The following LAMB2 variants were observed in gnomAD, a reference collection of about 807,000 sequenced individuals.
The protein encoded by LAMB2 is laminin subunit beta-2.
A neutral mutation model predicts 202.7 loss-of-function variants in LAMB2; 119 were observed. The observed-to-expected ratio is 0.59, with a 90% CI of 0.51 to 0.68. The LOEUF is 0.68. LAMB2 is among the 30% of genes least tolerant of loss of function. The probability of loss-of-function intolerance (pLI) is 0.00; values close to 1 mark genes in which losing one functional copy is unlikely to be tolerated. For synonymous variants in LAMB2, 818 were observed against 902.2 expected, an observed-to-expected ratio of 0.91 and a Z score of 1.67; for missense variants, 2,124 against 2,410.6, an observed-to-expected ratio of 0.88 and a Z score of 2.49.
intron 27 of LAMB2, 92 bp from the exon 28 acceptor site, chr3:49,122,462 G>T: frequency 8.2e-7 from 1 of 1,221,224 alleles, no homozygotes; most frequent in Non-Finnish European, 1.2e-6. Context: ...ACATGTACAT[G>T]GGATAGGGGT....
rs1204035798 is a variant in LAMB2 at position 49,124,464 on chromosome 3, G to A, written c.3258C>T (p.Leu1086=). Residue 1086 remains leucine, a synonymous_variant, in exon 22 of 32, where the codon CTC becomes CTT. Coordinates refer to ENST00000305544, the MANE Select transcript of LAMB2 (RefSeq NM_002292.4). ...AAGGCTGGCAACCATGGCCACTGGT[G>A]AGGTTCCAGAAGTTGGGGGCACAGC... ...CDRCAPNFWN[L]TSGHGCQPCA... is the part of the protein sequence containing the mutation. 5.0e-6 allele frequency: 8 copies of A among 1,613,738 alleles called. No individual in the cohort carries two copies. The highest frequency in any genetic ancestry group is 5.9e-6 in the Non-Finnish European group (7 of 1,180,050).
Position 49,124,291 on chromosome 3 carries a change from G to A in LAMB2, c.3328-5C>T, listed in dbSNP as rs748132281. On this transcript the variant is annotated splice_region_variant and splice_polypyrimidine_tract_variant and intron_variant, in intron 22 of 31. Transcript: ENST00000305544. ...GCAGTGGCACTGCCCTGTGAACTGG[G>A]GTGGGAACAAGGCAGGGTCAGAGCC... 3 of 1,613,984 alleles carry A rather than the reference G, an allele frequency of 1.9e-6. No homozygotes were observed. The South Asian group carries it at 3.3e-5, about 18-fold the overall frequency.
At position 49,129,347 on chromosome 3, in the gene LAMB2, G is replaced by T; in HGVS notation, c.1519-23C>A. On this transcript the variant is annotated intron_variant, in intron 11 of 31. Transcript: ENST00000305544. This position sits in a 1 kb window ranked among gnomAD's most constrained non-coding sequence, Gnocchi z 6.1. ...AGGCTGCACGAAAGGAGTTGCTGGG[G>T]GCCAGAAACAGACCTCCAGACCCCA... is the stretch of plus-strand genomic sequence containing the variant. 6.2e-7 allele frequency: 1 copy of T among 1,606,068 alleles called. No individual in the cohort carries two copies. Among genetic ancestry groups the T allele is most frequent in the African/African-American group, 1.3e-5 (1 of 74,894 alleles).
At position 49,131,065 on chromosome 3, in the gene LAMB2, C is replaced by G; in HGVS notation, c.800G>C (p.Arg267Pro). 1 of 1,613,848 alleles carries G rather than the reference C, an allele frequency of 6.2e-7. No individual in the cohort carries two copies. The highest frequency in any genetic ancestry group is 8.5e-7 in the Non-Finnish European group (1 of 1,180,032). The change falls in exon 7 of 32, where the codon CGA (arginine) becomes CCA (proline). Residue 267 changes from arginine to proline, a missense_variant. Transcript: ENST00000305544. This position sits in a 1 kb window ranked among gnomAD's most constrained non-coding sequence, Gnocchi z 5.0. ...ATAGAGGGCATAGTAGTACTTCTCT[C>G]GGATCTCCCTCCGTGGGTCGAGTAG... ...DNLLDPRREI[R>P]EKYYYALYEL...
chr3:49,122,364 C>T lies in LAMB2; in HGVS notation c.4580G>A (p.Gly1527Glu), dbSNP rs1468716098. 1 of 1,613,074 alleles carries T rather than the reference C, an allele frequency of 6.2e-7. No homozygotes were observed. Among genetic ancestry groups the T allele is most frequent in the African/African-American group, 1.3e-5 (1 of 74,926 alleles). The part of the protein sequence containing the change: ...QSVKDFLNQE[G>E]ADPDSIEMVA... ...CATTTCAATGCTATCAGGATCAGCC[C>T]CCTCCTCTATAGGGACACAGCAAGA... The change falls in exon 28 of 32, where the codon GGG (glycine) becomes GAG (glutamate). Residue 1527 changes from glycine to glutamate, a missense_variant. Gly to Glu is a moderately conservative substitution (Grantham distance 98). Transcript: ENST00000305544.
rs530751136 is a variant in LAMB2, at chr3:49,124,866, G to T, written c.2944C>A (p.Arg982=). 3 of 1,613,944 alleles carry T rather than the reference G, an allele frequency of 1.9e-6. No individual in the cohort carries two copies. The African/African-American group carries it at 4.0e-5, about 22-fold the overall frequency. The change falls in exon 21 of 32, where the codon CGG becomes AGG. Residue 982 remains arginine (R), a synonymous_variant. Coordinates refer to ENST00000305544, the MANE Select transcript of LAMB2 (RefSeq NM_002292.4). ...CCACTGCACTCACACAGTTGGCACC[G>T]GCCACCTGGCCTTGATGGGTCCCCA... ...HFGDPSRPGG[R]CQLCECSGNI...
chr3:49,129,002 T>C lies in LAMB2; in HGVS notation c.1731+18A>G. The C allele has an allele frequency of 6.2e-7, 1 of 1,606,232 alleles. No homozygotes were observed. The highest frequency in any genetic ancestry group is 8.5e-7 in the Non-Finnish European group (1 of 1,179,960). On this transcript the variant is annotated intron_variant, in intron 13 of 31. Coordinates refer to ENST00000305544, the MANE Select transcript of LAMB2 (RefSeq NM_002292.4). This position sits in a 1 kb window ranked among gnomAD's most constrained non-coding sequence, Gnocchi z 6.1. ...GTCCACCCACATCCAGCCCTCTGCT[T>C]AGGGGGAGGCCCCACACCTGCCCTC...
chr3:49,130,558 C>T lies in LAMB2; in HGVS notation c.1037-139G>A. The T allele has an allele frequency of 7.5e-7, 1 of 1,341,568 alleles. No individual in the cohort carries two copies. The highest frequency in any genetic ancestry group is 1.7e-5 in the Admixed American group (1 of 59,242). 83.1% of individuals were successfully genotyped at this position (1,341,568 alleles called of 1,614,324 possible). Reference sequence around the variant, plus strand: ...GGGACTTCAAGGCCTCAGCATCATACTGGTTCCCTACCCAGAGCAGACTGC... The same window carrying T: ...GGGACTTCAAGGCCTCAGCATCATATTGGTTCCCTACCCAGAGCAGACTGC... On this transcript the variant is annotated intron_variant, in intron 8 of 31. Coordinates refer to ENST00000305544, the MANE Select transcript of LAMB2 (RefSeq NM_002292.4). This position sits in a 1 kb window ranked among gnomAD's most constrained non-coding sequence, Gnocchi z 5.0.
rs548551040 is a variant in LAMB2, at chr3:49,130,985, G to A, written c.880C>T (p.Pro294Ser). The stretch of plus-strand genomic sequence containing the variant: ...GCATGGGCTGGTGCCCCTGGGGCGG[G>A]TGCACACTCTGAGGCGTGTCCGTAG... ...FCYGHASECA[P>S]APGAPAHAEG... The change falls in exon 7 of 32, where the codon CCC becomes TCC. Residue 294 changes from proline to serine, a missense_variant. Coordinates refer to ENST00000305544, the MANE Select transcript of LAMB2 (RefSeq NM_002292.4). This position sits in a 1 kb window ranked among gnomAD's most constrained non-coding sequence, Gnocchi z 5.0. The A allele has an allele frequency of 9.3e-6, 15 of 1,614,070 alleles. No homozygotes were observed. The South Asian group carries it at 1.2e-4, about 13-fold the overall frequency.
In LAMB2 at chr3:49,125,374, C is replaced by T. The variant is rs750370937; in HGVS notation, c.2599G>A (p.Gly867Ser). The change falls in exon 19 of 32, where the codon GGC (glycine) becomes AGC (serine). Residue 867 changes from glycine (G) to serine (S), a missense_variant. Around this residue, in one of 3 missense-constraint regions of LAMB2, gnomAD observed 1,702 missense variants for 1,896.3 expected, o/e 0.90. Transcript: ENST00000305544. ...FGLRCDRCQR[G>S]QWGFPSCRPC... ...CGGCAGCTAGGGAATCCCCACTGGC[C>T]ACGCTGGCAGCGGTCACAGCGAAGC... 26 of 1,613,946 alleles carry T rather than the reference C, an allele frequency of 1.6e-5. No individual in the cohort carries two copies. Among genetic ancestry groups the T allele is most frequent in the African/African-American group, 4.0e-5 (3 of 74,930 alleles).
Position 49,130,599 on chromosome 3 carries a change from G to A in LAMB2, c.1036+141C>T. On this transcript the variant is annotated intron_variant, in intron 8 of 31. Transcript: ENST00000305544. The surrounding 1 kb of genome is among the most constrained non-coding windows in gnomAD (Gnocchi z 5.0). ...AGCAGACTGCAGAGGAGGATTGAGG[G>A]GGTCCCAAGGGGCATCAAGGTCTGC... The A allele has an allele frequency of 7.1e-7, 1 of 1,407,126 alleles. No homozygotes were observed. Among genetic ancestry groups the A allele is most frequent in the South Asian group, 1.2e-5 (1 of 86,326 alleles). 87.2% of individuals were successfully genotyped at this position (1,407,126 alleles called of 1,614,324 possible).
rs1484239642 is a variant in LAMB2, at chr3:49,132,231, G to A, written c.385+39C>T. On this transcript the variant is annotated intron_variant, in intron 3 of 31. Transcript: ENST00000305544. This position sits in a 1 kb window ranked among gnomAD's most constrained non-coding sequence, Gnocchi z 4.6. ...AAGTCAAGGACTCAAAGCTACTGGT[G>A]GGCAGCCCTGCTCACTTTTGCCCCA... 2 of 1,614,124 alleles carry A rather than the reference G, an allele frequency of 1.2e-6. No homozygotes were observed.
In LAMB2 at chr3:49,124,305, A is replaced by C; in HGVS notation, c.3328-19T>G. 3 of 1,613,890 alleles carry C rather than the reference A, an allele frequency of 1.9e-6. No homozygotes were observed. The South Asian group carries it at 3.3e-5, about 18-fold the overall frequency. On this transcript the variant is annotated intron_variant, in intron 22 of 31. Coordinates refer to ENST00000305544, the MANE Select transcript of LAMB2 (RefSeq NM_002292.4). The stretch of plus-strand genomic sequence containing the variant: ...CTGTGAACTGGGGTGGGAACAAGGC[A>C]GGGTCAGAGCCTCTATAAGAGGCTA...
chr3:49,131,780 C>T lies in LAMB2; in HGVS notation c.460-57G>A. On this transcript the variant is annotated intron_variant, in intron 4 of 31. Coordinates refer to ENST00000305544, the MANE Select transcript of LAMB2 (RefSeq NM_002292.4). This position sits in a 1 kb window ranked among gnomAD's most constrained non-coding sequence, Gnocchi z 5.0. ...ACCAGGACCCAAGCCCAACCCAGAG[C>T]CATCAAGAGCCCTGCTCAGCCCAAG... 2 of 1,576,322 alleles carry T rather than the reference C, an allele frequency of 1.3e-6. No individual in the cohort carries two copies. The highest frequency in any genetic ancestry group is 2.2e-5 in the South Asian group (2 of 89,828).
Position 49,129,732 on chromosome 3 carries a change from A to G in LAMB2, c.1406-16T>C, listed in dbSNP as rs538822885. The G allele has an allele frequency of 8.7e-6, 14 of 1,612,018 alleles. No individual in the cohort carries two copies. Among genetic ancestry groups the G allele is most frequent in the South Asian group, 7.7e-5 (7 of 91,046 alleles). The stretch of plus-strand genomic sequence containing the variant: ...CATTGACATCCTGCAGGGAAGGAGA[A>G]CCATCAGCACTTTGGGAAACTGTGG... On this transcript the variant is annotated splice_polypyrimidine_tract_variant and intron_variant, in intron 10 of 31. Coordinates refer to ENST00000305544, the MANE Select transcript of LAMB2 (RefSeq NM_002292.4). The surrounding 1 kb of genome is among the most constrained non-coding windows in gnomAD (Gnocchi z 6.1).
chr3:49,122,730 A>G lies in LAMB2; in HGVS notation c.4547T>C (p.Ile1516Thr), dbSNP rs745307889. Residue 1516 changes from isoleucine (I) to threonine (T), a missense_variant, in exon 27 of 32, where the codon ATC (isoleucine) becomes ACC (threonine). By Grantham distance (89) the Ile-to-Thr change is moderately conservative. Around this residue, in one of 3 missense-constraint regions of LAMB2, gnomAD observed 1,702 missense variants for 1,896.3 expected, o/e 0.90. Transcript: ENST00000305544. ...EQANQELQEL[I>T]QSVKDFLNQE... is the part of the protein sequence containing the mutation. Reference sequence around the variant, plus strand: ...GTTGAGGAAGTCCTTCACACTCTGGATAAGTTCTTGAAGTTCCTGGTTGGC... The same window carrying G: ...GTTGAGGAAGTCCTTCACACTCTGGGTAAGTTCTTGAAGTTCCTGGTTGGC... 3.7e-6 allele frequency: 6 copies of G among 1,614,120 alleles called. No homozygotes were observed. Among genetic ancestry groups the G allele is most frequent in the South Asian group, 1.1e-5 (1 of 91,088 alleles).
In LAMB2 at chr3:49,123,114, C is replaced by G; in HGVS notation, c.4224+18G>C. ...GAACATCTACACCCACCTGCCCCACCCAACACTTCAACCTCACCAGCTCAT... is the reference window on the plus strand; with the variant it reads ...GAACATCTACACCCACCTGCCCCACGCAACACTTCAACCTCACCAGCTCAT... On this transcript the variant is annotated intron_variant, in intron 26 of 31. Coordinates refer to ENST00000305544, the MANE Select transcript of LAMB2 (RefSeq NM_002292.4). 2 of 1,609,510 alleles carry G rather than the reference C, an allele frequency of 1.2e-6. No homozygotes were observed. Among genetic ancestry groups the G allele is most frequent in the Non-Finnish European group, 1.7e-6 (2 of 1,180,014 alleles).
At position 49,129,274 on chromosome 3, in the gene LAMB2, G is replaced by A. The variant is rs1169038040; in HGVS notation, c.1569C>T (p.Asp523=). The A allele has an allele frequency of 6.2e-7, 1 of 1,613,886 alleles. No homozygotes were observed. The change falls in exon 12 of 32, where the codon GAC becomes GAT. Residue 523 remains aspartate, a synonymous_variant. Coordinates refer to ENST00000305544, the MANE Select transcript of LAMB2 (RefSeq NM_002292.4). This position sits in a 1 kb window ranked among gnomAD's most constrained non-coding sequence, Gnocchi z 6.1. ...SHDLLGCRPC[D]CDVGGALDPQ... ...GATCCAAAGCACCACCCACGTCGCA[G>A]TCACAGGGGCGGCAGCCGAGCAGGT...
At chr3:49,126,258 G>A in intron 16 of LAMB2, 99 bp from the exon 17 acceptor site, 1 of 1,601,852 alleles carries the variant, frequency 6.2e-7, no homozygotes, top group Non-Finnish European at 8.5e-7. Flanking sequence ...GCCCACCCTG[G>A]CACCACCATG....
Sources: gnomAD v4.1 joint callset for allele counts on GRCh38, gnomAD v4.1.1 for gene constraint, gnomAD v4.1.1 regional missense constraint, Gnocchi (gnomAD v3.1) non-coding constraint, MANE v1.5 for transcripts, NCBI Gene and HGNC (gene_info 2026-07-23, HGNC 2026-07-21) for gene names.